Variants in ULK4 observed in about 807,000 individuals in gnomAD.
The protein encoded by ULK4 is inactive serine/threonine-protein kinase ULK4.
Under a neutral mutation model 160.6 loss-of-function variants are expected in ULK4, and 133 were observed. The observed-to-expected ratio is 0.83, with a 90% CI of 0.72 to 0.96. The LOEUF is 0.96. Among genes scored for constraint, ULK4 ranks in the 40% least tolerant of loss-of-function variants. The probability of loss-of-function intolerance (pLI) is 0.00; values close to 1 mark genes in which losing one functional copy is unlikely to be tolerated. For synonymous variants in ULK4, 534 were observed against 539.8 expected, an observed-to-expected ratio of 0.99 and a Z score of 0.15; for missense variants, 1,580 against 1,499.5, an observed-to-expected ratio of 1.05 and a Z score of -0.89.
rs575053247 is a variant in ULK4 at position 41,565,102 on chromosome 3, T to C, written c.3226+923A>G. ...TACGGGCAATAGGCAATAAATACCA[T>C]ACAGCCTAGGTGTATAGTAGGCTAC... On this transcript the variant is annotated intron_variant, in intron 32 of 36. Coordinates refer to ENST00000301831, the MANE Select transcript of ULK4 (RefSeq NM_017886.4). Among the ~76,000 whole-genome samples the C allele has an allele frequency of 1.2e-3, 190 of 152,326 alleles. 1 individual carries two copies. Among genetic ancestry groups the C allele is most frequent in the Non-Finnish European group, 4.3e-4 (29 of 68,024 alleles).
At chr3:41,826,295 T>G (rs1266487500) in intron 18 of ULK4, among the ~76,000 whole-genome samples, 2 of 152,022 alleles carry the variant, frequency 1.3e-5, no homozygotes, top group African/African-American at 4.8e-5. Flanking sequence ...CAGGATCAAA[T>G]TCACACATAA....
chr3:41,486,902 TCA>T (rs3040470), intron 32 of ULK4, among the ~76,000 whole-genome samples: 62,056 of 151,756 alleles, frequency 0.41, 12,822 homozygotes, highest in African/African-American at 0.43. Flanking sequence ...AATTTTGTAC[TCA>T]GATTTGGTTA....
At chr3:41,469,567 A>G (rs1296813604) in intron 32 of ULK4, among the ~76,000 whole-genome samples, 1 of 146,510 alleles carries the variant, frequency 6.8e-6, no homozygotes, top group Non-Finnish European at 1.5e-5. Flanking sequence ...CATCTACAAT[A>G]AAAGCTAAAT....
chr3:41,925,300 G>A (rs895450528), intron 5 of ULK4, among the ~76,000 whole-genome samples: 1 of 152,148 alleles, frequency 6.6e-6, no homozygotes, highest in Admixed American at 6.5e-5. Flanking sequence ...AGCGCTAGGG[G>A]TCAGGGAACT....
chr3:41,806,442 G>C (rs1200766357), intron 19 of ULK4, among the ~76,000 whole-genome samples: 1 of 152,096 alleles, frequency 6.6e-6, no homozygotes, highest in Non-Finnish European at 1.5e-5. Context: ...CCAGCTCCTG[G>C]ATTCATTAAT....
intron 35 of ULK4, among the ~76,000 whole-genome samples, chr3:41,307,435 G>T (rs188974353): frequency 7.9e-5 from 12 of 152,296 alleles, no homozygotes; most frequent in African/African-American, 2.9e-4. Flanking sequence ...CATTGTAAGA[G>T]ACTTCCATTC....
chr3:41,596,473 C>A (rs1174106324), intron 31 of ULK4, among the ~76,000 whole-genome samples: 1 of 151,852 alleles, frequency 6.6e-6, no homozygotes, highest in African/African-American at 2.4e-5. Context: ...TTGAGATGGG[C>A]AAAATCATGG....
intron 22 of ULK4, among the ~76,000 whole-genome samples, chr3:41,720,517 A>G (rs186736553): frequency 1.7e-4 from 26 of 152,290 alleles, no homozygotes; most frequent in Admixed American, 1.1e-3. Flanking sequence ...TTAGTATTAT[A>G]TATGTACACA....
intron 33 of ULK4, among the ~76,000 whole-genome samples, chr3:41,456,072 G>A (rs1472959970): frequency 1.3e-5 from 2 of 152,036 alleles, no homozygotes; most frequent in East Asian, 1.9e-4. Context: ...ACCACACCTC[G>A]CTAGTTTTTG....
At chr3:41,822,771 G>C (rs1200494496) in intron 18 of ULK4, among the ~76,000 whole-genome samples, 1 of 138,948 alleles carries the variant, frequency 7.2e-6, no homozygotes, top group African/African-American at 2.8e-5. Flanking sequence ...ACCCAGGCTG[G>C]AGTGCAGTGG....
At chr3:41,627,965 C>A (rs2033597496) in intron 30 of ULK4, among the ~76,000 whole-genome samples, 1 of 152,102 alleles carries the variant, frequency 6.6e-6, no homozygotes, top group African/African-American at 2.4e-5. Flanking sequence ...AATGATACAG[C>A]CTTGAATGCC....
At chr3:41,388,999 A>G (rs990705877) in intron 35 of ULK4, among the ~76,000 whole-genome samples, 1 of 151,780 alleles carries the variant, frequency 6.6e-6, no homozygotes, top group African/African-American at 2.4e-5. Flanking sequence ...GATTCTTCCT[A>G]CCCATGAGCA....
chr3:41,788,431 T>A (rs528936714), intron 21 of ULK4, among the ~76,000 whole-genome samples: 1 of 152,246 alleles, frequency 6.6e-6, no homozygotes, highest in East Asian at 1.9e-4. Context: ...AGACCTGTAA[T>A]CCCAGCACTT....
At chr3:41,279,011 A>G (rs1227538762) in intron 35 of ULK4, among the ~76,000 whole-genome samples, 1 of 152,176 alleles carries the variant, frequency 6.6e-6, no homozygotes, top group Admixed American at 6.5e-5. Flanking sequence ...GACCTAAAGG[A>G]GCATGTTCTA....
intron 1 of ULK4, among the ~76,000 whole-genome samples, chr3:41,959,981 G>A (rs571080547): frequency 3.3e-5 from 5 of 152,150 alleles, no homozygotes; most frequent in African/African-American, 1.2e-4. Context: ...CATACAGTAT[G>A]TATAACTGAT....
chr3:41,711,450 T>C (rs73828235), intron 25 of ULK4, among the ~76,000 whole-genome samples: 9,593 of 152,116 alleles, frequency 0.063, 984 homozygotes, highest in African/African-American at 0.21. Flanking sequence ...TACAAATTCA[T>C]GATATGTTAA....
At chr3:41,553,194 CAA>C (rs759220230) in intron 32 of ULK4, among the ~76,000 whole-genome samples, 66 of 151,884 alleles carry the variant, frequency 4.3e-4, no homozygotes, top group Non-Finnish European at 3.2e-4. Context: ...TTGGTCTAGG[CAA>C]AGATTTTATG....
At chr3:41,768,628 G>A (rs1559538491) in intron 21 of ULK4, among the ~76,000 whole-genome samples, 1 of 152,176 alleles carries the variant, frequency 6.6e-6, no homozygotes, top group Admixed American at 6.5e-5. Context: ...TCATATGAAT[G>A]AGCCATCTGG....
intron 17 of ULK4, among the ~76,000 whole-genome samples, chr3:41,866,068 A>G (rs769747616): frequency 1.4e-5 from 2 of 137,950 alleles, no homozygotes; most frequent in Non-Finnish European, 3.0e-5. Context: ...ATGTTTACAC[A>G]GACAAGAACA....
Sources: allele counts gnomAD v4.1 joint callset (sites outside exome capture counted in the v4.1 genomes callset), GRCh38; gene constraint gnomAD v4.1.1; transcripts MANE v1.5; gene names NCBI Gene and HGNC (gene_info 2026-07-23, HGNC 2026-07-21).